The following TMEM108 variants were observed in gnomAD, a reference collection of about 807,000 sequenced individuals.
The protein encoded by TMEM108 is transmembrane protein 108.
Under a neutral mutation model 35.1 loss-of-function variants are expected in TMEM108, and 12 were observed. That is an observed-to-expected ratio of 0.34 (90% CI 0.22 to 0.55). The LOEUF (loss-of-function observed/expected upper bound fraction) is 0.55. Ranked by LOEUF, TMEM108 falls within the 20% of genes least tolerant of loss-of-function variation. The pLI is 0.89. For missense variants in TMEM108, 680 were observed against 753.3 expected (o/e 0.90, Z 1.14); for synonymous variants, 287 against 308.6 (o/e 0.93, Z 0.73).
chr3:133,297,469 C>T (rs1274265563), intron 3 of TMEM108, among the ~76,000 whole-genome samples: 3 of 152,116 alleles, frequency 2.0e-5, no homozygotes, highest in South Asian at 2.1e-4. Flanking sequence ...GCTTCAGGCT[C>T]GTCGCTTCCT....
At chr3:133,098,156 A>G (rs1042096723) in intron 2 of TMEM108, among the ~76,000 whole-genome samples, 1 of 152,234 alleles carries the variant, frequency 6.6e-6, no homozygotes, top group Non-Finnish European at 1.5e-5. Context: ...TTACAGTTTC[A>G]CATGGCTGGG....
At chr3:133,175,576 T>G (rs536313522) in intron 2 of TMEM108, among the ~76,000 whole-genome samples, 2 of 152,170 alleles carry the variant, frequency 1.3e-5, no homozygotes, top group South Asian at 4.2e-4. Flanking sequence ...CAAACTAAGC[T>G]TCATAAGTGA....
rs1382018176 is a variant in TMEM108, at chr3:133,142,990, T to TC, written c.-46-86275dup. Among the ~76,000 whole-genome samples the TC allele has an allele frequency of 2.0e-5, 3 of 152,346 alleles. No individual in the cohort carries two copies. The South Asian group carries it at 6.2e-4, about 32-fold the overall frequency. On this transcript the variant is annotated intron_variant, in intron 2 of 5. Coordinates refer to ENST00000321871, the MANE Select transcript of TMEM108 (RefSeq NM_023943.4). ...ATAAACAGCATTTGAATCCAGATGG[T>TC]CTGGCTCCAGTGTACTTTTAACCCA...
chr3:133,059,581 T>C (rs1435466616), intron 2 of TMEM108, among the ~76,000 whole-genome samples: 1 of 152,208 alleles, frequency 6.6e-6, no homozygotes, highest in Non-Finnish European at 1.5e-5. Flanking sequence ...GGTTTTCTTC[T>C]TTCAGACCTC....
chr3:133,047,599 G>A (rs1011723873), intron 2 of TMEM108, among the ~76,000 whole-genome samples: 4 of 152,074 alleles, frequency 2.6e-5, no homozygotes, highest in African/African-American at 9.7e-5. Context: ...CTCCACCCAC[G>A]AAATGCCAGT....
At chr3:133,234,860 C>G (rs1420621275) in intron 3 of TMEM108, among the ~76,000 whole-genome samples, 2 of 152,046 alleles carry the variant, frequency 1.3e-5, no homozygotes, top group Non-Finnish European at 2.9e-5. Flanking sequence ...CCCCATTGTC[C>G]TCTCAGCCCA....
chr3:133,331,807 A>G (rs2071396679), intron 3 of TMEM108, among the ~76,000 whole-genome samples: 1 of 152,228 alleles, frequency 6.6e-6, no homozygotes, highest in African/African-American at 2.4e-5. Flanking sequence ...GAGGATGGGG[A>G]GGCCTCAAGA....
At chr3:133,240,540 T>C (rs1946298165) in intron 3 of TMEM108, among the ~76,000 whole-genome samples, 1 of 152,224 alleles carries the variant, frequency 6.6e-6, no homozygotes, top group African/African-American at 2.4e-5. Flanking sequence ...GAAGTAGTGC[T>C]CATACTTAGG....
chr3:133,154,192 C>G, intron 2 of TMEM108, among the ~76,000 whole-genome samples: 1 of 151,794 alleles, frequency 6.6e-6, no homozygotes, highest in Non-Finnish European at 1.5e-5. Flanking sequence ...GGTATTAGCC[C>G]TTTGTCAGAT....
At chr3:133,181,049 A>T (rs1945336679) in intron 2 of TMEM108, among the ~76,000 whole-genome samples, 1 of 143,542 alleles carries the variant, frequency 7.0e-6, no homozygotes, top group African/African-American at 2.6e-5. Flanking sequence ...CAGCACTCCC[A>T]AAGCGCTTGA....
At chr3:133,178,102 C>A (rs371087959) in intron 2 of TMEM108, among the ~76,000 whole-genome samples, 3 of 152,096 alleles carry the variant, frequency 2.0e-5, no homozygotes, top group East Asian at 1.9e-4. Context: ...AATCCACCTT[C>A]CAAGGGATGT....
chr3:133,358,941 C>T (rs903234232), intron 3 of TMEM108, among the ~76,000 whole-genome samples: 3 of 152,154 alleles, frequency 2.0e-5, no homozygotes, highest in Admixed American at 2.0e-4. Flanking sequence ...CCACCTCAAC[C>T]CCTGCCATCT....
At chr3:133,069,824 G>A (rs181790797) in intron 2 of TMEM108, among the ~76,000 whole-genome samples, 1 of 152,156 alleles carries the variant, frequency 6.6e-6, no homozygotes, top group Admixed American at 6.6e-5. Context: ...TCACTCTTAC[G>A]CTTCCAGGAA....
intron 3 of TMEM108, among the ~76,000 whole-genome samples, chr3:133,243,359 T>C (rs1400877704): frequency 6.6e-6 from 1 of 152,076 alleles, no homozygotes; most frequent in African/African-American, 2.4e-5. Flanking sequence ...CTTTAATTGA[T>C]GTTATTGTTA....
At chr3:133,315,285 G>A (rs564734482) in intron 3 of TMEM108, among the ~76,000 whole-genome samples, 11 of 152,132 alleles carry the variant, frequency 7.2e-5, no homozygotes, top group Non-Finnish European at 1.6e-4. Context: ...TAGGTGACCC[G>A]CAATAAAGAG....
intron 2 of TMEM108, among the ~76,000 whole-genome samples, chr3:133,143,821 C>T (rs1402468926): frequency 6.6e-6 from 1 of 152,114 alleles, no homozygotes; most frequent in East Asian, 1.9e-4. Flanking sequence ...AGCACATGCC[C>T]TTCTCTGCCT....
intron 2 of TMEM108, among the ~76,000 whole-genome samples, chr3:133,156,675 A>G (rs1397606994): frequency 6.6e-6 from 1 of 152,210 alleles, no homozygotes; most frequent in Non-Finnish European, 1.5e-5. Flanking sequence ...TAAGATTGTC[A>G]TTTGTGATGT....
At chr3:133,224,688 CT>C (rs1409114861) in intron 2 of TMEM108, among the ~76,000 whole-genome samples, 5 of 152,150 alleles carry the variant, frequency 3.3e-5, no homozygotes, top group Admixed American at 6.5e-5. Context: ...ATTGTGAGTC[CT>C]CCCCAGCCGT....
chr3:133,181,026 A>AAAAAAAAAAAAAAAAAAAC (rs1945333695), intron 2 of TMEM108, among the ~76,000 whole-genome samples: 1 of 145,278 alleles, frequency 6.9e-6, no homozygotes, highest in African/African-American at 2.7e-5. Context: ...AAAAAAAAAA[A>AAAAAAAAAAAAAAAAAAAC]AAAAAAAAAA....
Sources: gnomAD v4.1 joint callset for allele counts (sites outside exome capture counted in the v4.1 genomes callset) on GRCh38, gnomAD v4.1.1 for gene constraint, MANE v1.5 for transcripts, NCBI Gene and HGNC (gene_info 2026-07-23, HGNC 2026-07-21) for gene names.